Variants in COL6A6 observed in about 807,000 individuals in gnomAD.
The protein encoded by COL6A6 is collagen type VI alpha 6 chain.
COL6A6 carries 183 observed loss-of-function variants against 208.6 expected under a neutral mutation model. The observed-to-expected ratio is 0.88, with a 90% CI of 0.78 to 0.99. The LOEUF is 0.99. COL6A6 is among the 50% of genes least tolerant of loss of function. The probability of loss-of-function intolerance (pLI) is 0.00; values close to 1 mark genes in which losing one functional copy is unlikely to be tolerated. For synonymous variants in COL6A6, 973 were observed against 1,011.8 expected, an observed-to-expected ratio of 0.96 and a Z score of 0.73; for missense variants, 2,816 against 2,815.2, an observed-to-expected ratio of 1.00 and a Z score of -0.01.
intron 19 of COL6A6, among the ~76,000 whole-genome samples, chr3:130,599,129 G>A (rs766950193): frequency 6.6e-6 from 1 of 152,076 alleles, no homozygotes; most frequent in Non-Finnish European, 1.5e-5. Flanking sequence ...AAAATAGGGT[G>A]AATAGCCTAT....
In COL6A6 at chr3:130,593,118, T is replaced by G; in HGVS notation, c.4416+13T>G. On this transcript the variant is annotated intron_variant, in intron 16 of 36. Coordinates refer to ENST00000358511, the MANE Select transcript of COL6A6 (RefSeq NM_001102608.3). ...AAACGGAGAACAGGTAGAGCCTTCT[T>G]GTACCATAGAGACCCTTCTGAGCTA... The G allele has an allele frequency of 6.2e-7, 1 of 1,613,320 alleles. No individual in the cohort carries two copies. Among genetic ancestry groups the G allele is most frequent in the Non-Finnish European group, 8.5e-7 (1 of 1,179,280 alleles).
At chr3:130,565,827 TC>T (rs938979973) in intron 4 of COL6A6, among the ~76,000 whole-genome samples, 3 of 152,164 alleles carry the variant, frequency 2.0e-5, no homozygotes, top group African/African-American at 7.2e-5. Context: ...CCCTTTTAGT[TC>T]CTCTTTTGTG....
intron 7 of COL6A6, among the ~76,000 whole-genome samples, chr3:130,572,902 A>T (rs2063199778): frequency 6.6e-6 from 1 of 152,184 alleles, no homozygotes; most frequent in South Asian, 2.1e-4. Flanking sequence ...CATGGAAACG[A>T]TCATGCTTAC....
chr3:130,532,989 G>A (rs985710991), intron 1 of COL6A6, among the ~76,000 whole-genome samples: 2 of 152,038 alleles, frequency 1.3e-5, no homozygotes, highest in Non-Finnish European at 2.9e-5. Flanking sequence ...GACTTGGCCC[G>A]GAGCAAGTGC....
chr3:130,675,473 G>C lies in COL6A6; in HGVS notation c.*76G>C. Reference sequence around the variant, plus strand: ...TAAATAGTAACTAAATCTGCTGCCAGAACTCAAGCAACAGTTTGTAGGTTA... The same window carrying C: ...TAAATAGTAACTAAATCTGCTGCCACAACTCAAGCAACAGTTTGTAGGTTA... On this transcript the variant is annotated 3_prime_UTR_variant, in exon 37 of 37. Coordinates refer to ENST00000358511, the MANE Select transcript of COL6A6 (RefSeq NM_001102608.3). 9.1e-7 allele frequency: 1 copy of C among 1,098,412 alleles called. No homozygotes were observed. The highest frequency in any genetic ancestry group is 1.8e-5 in the South Asian group (1 of 55,946). 68.0% of individuals were successfully genotyped at this position (1,098,412 alleles called of 1,614,324 possible). A position where few individuals can be genotyped will look rare whatever the true frequency, so the allele number is the denominator to read the frequency against.
At chr3:130,659,368 C>T (rs1576415422) in intron 34 of COL6A6, among the ~76,000 whole-genome samples, 1 of 152,116 alleles carries the variant, frequency 6.6e-6, no homozygotes, top group South Asian at 2.1e-4. Flanking sequence ...CTAATAATTA[C>T]AAAGACAGTG....
At chr3:130,599,158 G>A (rs948588277) in intron 19 of COL6A6, among the ~76,000 whole-genome samples, 1 of 152,036 alleles carries the variant, frequency 6.6e-6, no homozygotes, top group Non-Finnish European at 1.5e-5. Flanking sequence ...GTCATGATGG[G>A]AATTAATGAT....
chr3:130,551,957 A>G (rs891883532), intron 1 of COL6A6, among the ~76,000 whole-genome samples: 10 of 152,088 alleles, frequency 6.6e-5, no homozygotes, highest in Admixed American at 1.3e-4. Context: ...TTTCCATGTA[A>G]TTGTTTGGTT....
At chr3:130,635,903 G>A in intron 28 of COL6A6, 142 bp downstream of exon 28, 1 of 635,342 alleles carries the variant, frequency 1.6e-6, no homozygotes, top group African/African-American at 1.8e-5. Flanking sequence ...ACTTGGGGAA[G>A]GGGAATGGAT....
At chr3:130,572,161 A>G (rs1275553395) in intron 7 of COL6A6, among the ~76,000 whole-genome samples, 5 of 152,144 alleles carry the variant, frequency 3.3e-5, no homozygotes, top group Admixed American at 2.0e-4. Context: ...GCTTATTTCA[A>G]TTGTGGCAGA....
chr3:130,578,644 C>G (rs952279028), intron 8 of COL6A6, among the ~76,000 whole-genome samples: 1 of 152,202 alleles, frequency 6.6e-6, no homozygotes, highest in African/African-American at 2.4e-5. Context: ...TGCTTCCCAT[C>G]TACTGCCTCT....
At position 130,676,905 on chromosome 3, in the gene COL6A6, A is replaced by G. The variant is rs8969; in HGVS notation, c.*1508A>G. The G allele has an allele frequency of 0.23, 34,620 of 152,180 alleles. 4,176 individuals are homozygous for G. Among genetic ancestry groups the G allele is most frequent in the South Asian group, 0.36 (1,742 of 4,824 alleles). 9.4% of individuals were successfully genotyped at this position (152,180 alleles called of 1,614,324 possible). A position where few individuals can be genotyped will look rare whatever the true frequency, so the allele number is the denominator to read the frequency against. On this transcript the variant is annotated 3_prime_UTR_variant, in exon 37 of 37. Transcript: ENST00000358511. ...CAGGAAATTAATGAGCAATATTTACAATGTATTTTAATAAAAGGGATTTTT... is the reference window on the plus strand; with the variant it reads ...CAGGAAATTAATGAGCAATATTTACGATGTATTTTAATAAAAGGGATTTTT...
In COL6A6 at chr3:130,565,237, G is replaced by C; in HGVS notation, c.905G>C (p.Arg302Pro). The C allele has an allele frequency of 6.2e-7, 1 of 1,613,924 alleles. No homozygotes were observed. The highest frequency in any genetic ancestry group is 8.5e-7 in the Non-Finnish European group (1 of 1,179,878). ...VLQHIQNLSP[R>P]TGKAYTGAAI... Reference sequence around the variant, plus strand: ...CAGCATATACAGAACCTTTCTCCCCGAACTGGGAAGGCCTATACTGGAGCT... The same window carrying C: ...CAGCATATACAGAACCTTTCTCCCCCAACTGGGAAGGCCTATACTGGAGCT... The change falls in exon 4 of 37, where the codon CGA becomes CCA. Residue 302 changes from arginine to proline, a missense_variant. Coordinates refer to ENST00000358511, the MANE Select transcript of COL6A6 (RefSeq NM_001102608.3).
intron 21 of COL6A6, among the ~76,000 whole-genome samples, chr3:130,607,481 T>G (rs1344863955): frequency 1.3e-5 from 2 of 152,168 alleles, no homozygotes; most frequent in Admixed American, 1.3e-4. Flanking sequence ...GGTTGTGACT[T>G]ATAATTTTAT....
Position 130,565,237 on chromosome 3 carries a change from G to GAACTTT in COL6A6, c.909_910insTTAACT (p.Thr303_Gly304insLeuThr), listed in dbSNP as rs750922787. On this transcript the variant is annotated inframe_insertion, in exon 4 of 37. Transcript: ENST00000358511. Reference sequence around the variant, plus strand: ...CAGCATATACAGAACCTTTCTCCCCGAACTGGGAAGGCCTATACTGGAGCT... The same window carrying GAACTTT: ...CAGCATATACAGAACCTTTCTCCCCGAACTTTAACTGGGAAGGCCTATACTGGAGCT... 1.9e-6 allele frequency: 3 copies of GAACTTT among 1,613,924 alleles called. No homozygotes were observed. The highest frequency in any genetic ancestry group is 2.5e-6 in the Non-Finnish European group (3 of 1,179,878).
chr3:130,604,831 C>A (rs914299254), intron 20 of COL6A6, among the ~76,000 whole-genome samples: 1 of 152,244 alleles, frequency 6.6e-6, no homozygotes, highest in Non-Finnish European at 1.5e-5. Context: ...AAATGGAGGT[C>A]TGTTCCACTT....
intron 12 of COL6A6, among the ~76,000 whole-genome samples, chr3:130,590,559 T>A (rs71333672): frequency 7.0e-6 from 1 of 143,546 alleles, no homozygotes; most frequent in Non-Finnish European, 1.5e-5. Context: ...GAACATGCGG[T>A]GTTTGGTTTT....
chr3:130,649,362 G>C lies in COL6A6; in HGVS notation c.5533G>C (p.Ala1845Pro), dbSNP rs746393872. ...RSSASREIGR[A>P]MRFISRNVFK... ...CTCTGCCAGCAGGGAGATTGGCAGA[G>C]CAATGCGGTTTATTTCCAGGAATGT... Residue 1845 changes from alanine (A) to proline (P), a missense_variant, in exon 33 of 37, where the codon GCA (alanine) becomes CCA (proline). Physicochemically the swap from Ala to Pro is conservative, Grantham distance 27. Transcript: ENST00000358511. 2 of 1,611,476 alleles carry C rather than the reference G, an allele frequency of 1.2e-6. No homozygotes were observed. Among genetic ancestry groups the C allele is most frequent in the South Asian group, 2.2e-5 (2 of 90,300 alleles).
chr3:130,559,421 G>A (rs1484639407), intron 1 of COL6A6, among the ~76,000 whole-genome samples: 1 of 152,172 alleles, frequency 6.6e-6, no homozygotes, highest in Non-Finnish European at 1.5e-5. Context: ...TGAGGAAACA[G>A]GGATGGAACT....
Sources: allele counts gnomAD v4.1 joint callset (sites outside exome capture counted in the v4.1 genomes callset), GRCh38; gene constraint gnomAD v4.1.1; transcripts MANE v1.5; gene names NCBI Gene and HGNC (gene_info 2026-07-23, HGNC 2026-07-21).